SORCS1: variants seen among roughly 807,000 people sequenced by gnomAD.
SORCS1 encodes VPS10 domain-containing receptor SorCS1.
Under a neutral mutation model 146.1 loss-of-function variants are expected in SORCS1, and 60 were observed. The observed-to-expected ratio is 0.41, with a 90% CI of 0.33 to 0.51. The LOEUF (loss-of-function observed/expected upper bound fraction) is 0.51, where lower values mean the gene tolerates loss of function less well. Ranked by LOEUF, SORCS1 falls within the 20% of genes least tolerant of loss-of-function variation. The probability of loss-of-function intolerance (pLI) is 0.21; values close to 1 mark genes in which losing one functional copy is unlikely to be tolerated. For missense variants in SORCS1, 1,352 were observed against 1,487.6 expected (o/e 0.91, Z 1.50); for synonymous variants, 637 against 584.0 (o/e 1.09, Z -1.31).
intron 1 of SORCS1, among the ~76,000 whole-genome samples, chr10:107,001,014 G>A (rs1347360850): frequency 6.6e-6 from 1 of 152,136 alleles, no homozygotes; most frequent in African/African-American, 2.4e-5. Context: ...TTGGGTTGAA[G>A]GATAATAAAA....
At chr10:106,740,077 A>G (rs1857259796) in intron 5 of SORCS1, among the ~76,000 whole-genome samples, 2 of 152,196 alleles carry the variant, frequency 1.3e-5, no homozygotes, top group Admixed American at 1.3e-4. Context: ...GTTTGAACAC[A>G]TCAAGCAAGG....
chr10:106,920,209 G>A (rs1288747007), intron 2 of SORCS1, among the ~76,000 whole-genome samples: 4 of 152,106 alleles, frequency 2.6e-5, no homozygotes, highest in Admixed American at 2.6e-4. Flanking sequence ...CCACCCACTG[G>A]GACTCAAGAC....
chr10:106,922,589 A>T (rs894308973), intron 2 of SORCS1, among the ~76,000 whole-genome samples: 1 of 152,198 alleles, frequency 6.6e-6, no homozygotes, highest in African/African-American at 2.4e-5. Flanking sequence ...GAGAGTTCCC[A>T]TATGACTCCT....
At chr10:106,677,035 T>A (rs563492435) in intron 13 of SORCS1, among the ~76,000 whole-genome samples, 1 of 152,118 alleles carries the variant, frequency 6.6e-6, no homozygotes, top group Non-Finnish European at 1.5e-5. Flanking sequence ...CTTCCCTCTA[T>A]ATAAACCCCT....
chr10:106,750,916 T>G (rs1298686567), intron 5 of SORCS1, among the ~76,000 whole-genome samples: 1 of 140,340 alleles, frequency 7.1e-6, no homozygotes, highest in Non-Finnish European at 1.5e-5. Context: ...AAAAATCAGC[T>G]GGGCGTGGTG....
intron 2 of SORCS1, among the ~76,000 whole-genome samples, chr10:106,864,339 T>A (rs1411208808): frequency 6.6e-6 from 1 of 152,086 alleles, no homozygotes; most frequent in Non-Finnish European, 1.5e-5. Context: ...CGGGTGAGTG[T>A]GTGACTCTGG....
chr10:106,828,759 G>T lies in SORCS1; in HGVS notation c.726+815C>A, dbSNP rs78454095. Among the ~76,000 whole-genome samples, 944 of 152,236 alleles carry T rather than the reference G, an allele frequency of 6.2e-3. 9 individuals carry two copies. The highest frequency in any genetic ancestry group is 0.022 in the African/African-American group (910 of 41,542). On this transcript the variant is annotated intron_variant, in intron 3 of 25. Transcript: ENST00000263054. ...AGATGTAGTACCACTCCCCTTCAGGGACAAATAAATGTCTTCCTCATTTAA... is the reference window on the plus strand; with the variant it reads ...AGATGTAGTACCACTCCCCTTCAGGTACAAATAAATGTCTTCCTCATTTAA...
chr10:106,604,092 C>T (rs1231963887), intron 23 of SORCS1, among the ~76,000 whole-genome samples: 4 of 152,130 alleles, frequency 2.6e-5, no homozygotes, highest in Non-Finnish European at 5.9e-5. Context: ...ATGCCTGTGG[C>T]CATTCTTGCT....
At chr10:106,798,399 A>G (rs1388705791) in intron 3 of SORCS1, among the ~76,000 whole-genome samples, 2 of 151,954 alleles carry the variant, frequency 1.3e-5, no homozygotes, top group African/African-American at 2.4e-5. Flanking sequence ...TTAACTTGTC[A>G]TTTACATTAG....
chr10:106,824,588 C>CAA (rs397846847), intron 3 of SORCS1, among the ~76,000 whole-genome samples: 14 of 71,154 alleles, frequency 2.0e-4, no homozygotes, highest in East Asian at 1.0e-3. Flanking sequence ...GACTTCATCT[C>CAA]AAAAAAAAAA....
chr10:106,717,922 T>A (rs2135912596), intron 6 of SORCS1, among the ~76,000 whole-genome samples: 1 of 152,356 alleles, frequency 6.6e-6, no homozygotes, highest in South Asian at 2.1e-4. Context: ...CTGAATTTAT[T>A]TCACTTTGTA....
intron 1 of SORCS1, among the ~76,000 whole-genome samples, chr10:107,145,731 T>A (rs1968269578): frequency 6.6e-6 from 1 of 152,146 alleles, no homozygotes; most frequent in African/African-American, 2.4e-5. Flanking sequence ...AATGTTAGGG[T>A]GAAATACAGC....
intron 1 of SORCS1, among the ~76,000 whole-genome samples, chr10:107,116,351 T>C (rs1338651102): frequency 2.0e-5 from 3 of 152,076 alleles, no homozygotes; most frequent in African/African-American, 7.2e-5. Context: ...AGCTAAGACA[T>C]GGAATTAATC....
At chr10:107,065,651 T>G (rs1961777776) in intron 1 of SORCS1, among the ~76,000 whole-genome samples, 1 of 87,098 alleles carries the variant, frequency 1.1e-5, no homozygotes, top group Admixed American at 1.1e-4. Context: ...CCAAATAGTT[T>G]TGTTTGTTTG....
chr10:106,633,866 A>G (rs1848576250), intron 18 of SORCS1, among the ~76,000 whole-genome samples: 1 of 152,128 alleles, frequency 6.6e-6, no homozygotes, highest in Non-Finnish European at 1.5e-5. Context: ...GGCCTCTGAG[A>G]GGATGCCCAG....
At chr10:106,821,109 CA>C (rs1948000486) in intron 3 of SORCS1, among the ~76,000 whole-genome samples, 1 of 152,152 alleles carries the variant, frequency 6.6e-6, no homozygotes, top group Admixed American at 6.5e-5. Context: ...GGTCAGCTTC[CA>C]AAAGGTTTCC....
At chr10:107,021,309 G>A (rs568195982) in intron 1 of SORCS1, among the ~76,000 whole-genome samples, 126 of 151,854 alleles carry the variant, frequency 8.3e-4, no homozygotes, top group African/African-American at 2.9e-3. Context: ...TCAGGAGATC[G>A]AGACCATCCT....
At chr10:106,736,821 G>T (rs1406898739) in intron 5 of SORCS1, among the ~76,000 whole-genome samples, 1 of 151,968 alleles carries the variant, frequency 6.6e-6, no homozygotes, top group African/African-American at 2.4e-5. Flanking sequence ...CAGTCACATT[G>T]GTTCTCCAGA....
At chr10:106,679,528 A>C in intron 11 of SORCS1, 104 bp downstream of exon 11, 1 of 1,116,644 alleles carries the variant, frequency 9.0e-7, no homozygotes, top group Non-Finnish European at 1.3e-6. Context: ...TTAAGTTCCA[A>C]GTACAGATAT....
Sources: gnomAD v4.1 joint callset for allele counts (sites outside exome capture counted in the v4.1 genomes callset) on GRCh38, gnomAD v4.1.1 for gene constraint, MANE v1.5 for transcripts, NCBI Gene and HGNC (gene_info 2026-07-23, HGNC 2026-07-21) for gene names.